Variants in MBTPS1 observed in about 807,000 individuals in gnomAD.
The protein encoded by MBTPS1 is membrane-bound transcription factor site-1 protease.
A neutral mutation model predicts 127.8 loss-of-function variants in MBTPS1; 94 were observed. The ratio of observed to expected loss-of-function variants is 0.74; its 90% CI spans 0.62 to 0.87. MBTPS1 has a LOEUF of 0.87. Ranked by LOEUF, MBTPS1 falls within the 40% of genes least tolerant of loss-of-function variation. The probability of loss-of-function intolerance (pLI) is 0.00; values close to 1 mark genes in which losing one functional copy is unlikely to be tolerated. For missense variants in MBTPS1, 1,636 were observed against 1,353.2 expected (o/e 1.21, Z -3.28); for synonymous variants, 632 against 509.4 (o/e 1.24, Z -3.24).
At position 84,107,415 on chromosome 16, in the gene MBTPS1, G is replaced by T. The variant is rs115913429; in HGVS notation, c.-324-5308C>A. On this transcript the variant is annotated intron_variant, in intron 1 of 22. Coordinates refer to ENST00000343411, the MANE Select transcript of MBTPS1 (RefSeq NM_003791.4). ...TAAGGCTGGAAATGACAGGGACAAG[G>T]ACACACCCCCTTGCTGTGTTTGGAT... 4.2e-3 allele frequency among the ~76,000 whole-genome samples: 645 copies of T among 152,242 alleles called. 4 individuals carry two copies. Among genetic ancestry groups the T allele is most frequent in the African/African-American group, 0.015 (622 of 41,532 alleles).
At chr16:84,062,530 G>A (rs2085628100) in intron 19 of MBTPS1, among the ~76,000 whole-genome samples, 1 of 152,198 alleles carries the variant, frequency 6.6e-6, no homozygotes, top group African/African-American at 2.4e-5. Context: ...CTCAGCGCAC[G>A]CTGTTAGTGC....
rs761837606 is a variant in MBTPS1 at position 84,056,093 on chromosome 16, G to A, written c.2874C>T (p.Asp958=). ...ATCGAAAGTTGGGTAACACCACCTTGTCCAGGTCAATGGAGAGTAGCTTCT... is the reference window on the plus strand; with the variant it reads ...ATCGAAAGTTGGGTAACACCACCTTATCCAGGTCAATGGAGAGTAGCTTCT... ...KHQKLLSIDL[D]KVVLPNFRSN... The change falls in exon 22 of 23, where the codon GAC becomes GAT. Residue 958 remains aspartate, a synonymous_variant. Coordinates refer to ENST00000343411, the MANE Select transcript of MBTPS1 (RefSeq NM_003791.4). The A allele has an allele frequency of 1.2e-6, 2 of 1,613,848 alleles. No individual in the cohort carries two copies. The highest frequency in any genetic ancestry group is 1.7e-5 in the Admixed American group (1 of 60,010).
In MBTPS1 at chr16:84,116,805, C is replaced by G. The variant is rs1472949497; in HGVS notation, c.-395G>C. 1 of 152,168 alleles carries G rather than the reference C, an allele frequency of 6.6e-6. No individual in the cohort carries two copies. The allele number at this position is 152,168 out of a possible 1,614,324, so 9.4% of individuals were successfully genotyped here. A position where few individuals can be genotyped will look rare whatever the true frequency, so the allele number is the denominator to read the frequency against. On this transcript the variant is annotated 5_prime_UTR_variant, in exon 1 of 23. Transcript: ENST00000343411. Reference sequence around the variant, plus strand: ...CCTCCGCGGCGAACACGCCTGGGCACTCCATTCGGGGCTGTTTACTCCCAA... The same window carrying G: ...CCTCCGCGGCGAACACGCCTGGGCAGTCCATTCGGGGCTGTTTACTCCCAA...
At chr16:84,115,801 A>T (rs7198848) in intron 1 of MBTPS1, among the ~76,000 whole-genome samples, 1 of 152,182 alleles carries the variant, frequency 6.6e-6, no homozygotes. Context: ...TGGATTTGGT[A>T]GTGGCTGTGC....
At chr16:84,079,616 G>T (rs1272143743) in intron 11 of MBTPS1, among the ~76,000 whole-genome samples, 2 of 152,188 alleles carry the variant, frequency 1.3e-5, no homozygotes, top group African/African-American at 2.4e-5. Context: ...CTACAACTAA[G>T]CAAATAAGCC....
At chr16:84,098,358 C>A (rs544724205) in intron 3 of MBTPS1, among the ~76,000 whole-genome samples, 28 of 152,212 alleles carry the variant, frequency 1.8e-4, no homozygotes, top group Non-Finnish European at 3.8e-4. Context: ...CGCCTGTAAT[C>A]CCAGCACTTT....
intron 1 of MBTPS1, among the ~76,000 whole-genome samples, chr16:84,106,765 G>C (rs1363792298): frequency 1.3e-5 from 2 of 152,196 alleles, no homozygotes; most frequent in Non-Finnish European, 2.9e-5. Context: ...AGCATCTGGA[G>C]GACTTCCGTA....
intron 11 of MBTPS1, among the ~76,000 whole-genome samples, chr16:84,079,434 G>C (rs1312438635): frequency 6.6e-5 from 10 of 152,076 alleles, no homozygotes; most frequent in Non-Finnish European, 1.5e-4. Flanking sequence ...GAATAAATGA[G>C]TCCAACTGTA....
intron 1 of MBTPS1, among the ~76,000 whole-genome samples, chr16:84,115,917 AAAT>A (rs2086468839): frequency 6.9e-6 from 1 of 144,938 alleles, no homozygotes; most frequent in South Asian, 2.2e-4. Context: ...AAATAAGTAT[AAAT>A]AATAAAAGCG....
At position 84,059,437 on chromosome 16, in the gene MBTPS1, A is replaced by T. The variant is rs7196952; in HGVS notation, c.2705-9T>A. The T allele has an allele frequency of 3.6e-3, 5,766 of 1,603,606 alleles. 185 individuals carry two copies. In the African/African-American group the frequency reaches 0.066, roughly 18 times the overall value. ...CCGATGAAGATGGTTTCCTGTGGTT[A>T]GCAGCAACATCAACAAAAAGGAAAA... On this transcript the variant is annotated splice_polypyrimidine_tract_variant and intron_variant, in intron 20 of 22. Transcript: ENST00000343411.
chr16:84,080,731 C>T (rs890993443), intron 11 of MBTPS1, among the ~76,000 whole-genome samples: 1 of 152,242 alleles, frequency 6.6e-6, no homozygotes, highest in African/African-American at 2.4e-5. Flanking sequence ...CTTTTTCAGG[C>T]CTGTGCGAGC....
At chr16:84,067,377 T>G (rs1413286583) in intron 16 of MBTPS1, among the ~76,000 whole-genome samples, 3 of 152,212 alleles carry the variant, frequency 2.0e-5, no homozygotes, top group Non-Finnish European at 4.4e-5. Context: ...CTCTTTGAGA[T>G]AGGGTCTCTC....
At chr16:84,062,743 CGA>C (rs1348624415) in intron 19 of MBTPS1, among the ~76,000 whole-genome samples, 7 of 152,188 alleles carry the variant, frequency 4.6e-5, no homozygotes, top group African/African-American at 1.7e-4. Flanking sequence ...ACGGATGCAT[CGA>C]GAGACTGACA....
At chr16:84,107,011 G>C (rs1286431644) in intron 1 of MBTPS1, among the ~76,000 whole-genome samples, 1 of 152,226 alleles carries the variant, frequency 6.6e-6, no homozygotes, top group African/African-American at 2.4e-5. Context: ...GGAGACACCA[G>C]CAGGAGCTGA....
chr16:84,113,028 CA>C lies in MBTPS1; in HGVS notation c.-325+3706del, dbSNP rs2086421134. On this transcript the variant is annotated intron_variant, in intron 1 of 22. Coordinates refer to ENST00000343411, the MANE Select transcript of MBTPS1 (RefSeq NM_003791.4). ...CATACTTTCTGGTAAGAGAGTGGCA[CA>C]AAAATTCAAATATATATGCTAGATT... 2.0e-5 allele frequency among the ~76,000 whole-genome samples: 3 copies of C among 148,374 alleles called. No individual in the cohort carries two copies. The South Asian group carries it at 6.5e-4, about 32-fold the overall frequency.
intron 18 of MBTPS1, among the ~76,000 whole-genome samples, chr16:84,065,387 G>T (rs2085666920): frequency 6.6e-6 from 1 of 152,082 alleles, no homozygotes; most frequent in Non-Finnish European, 1.5e-5. Flanking sequence ...AAAGTGGTGG[G>T]TACCATTCAA....
At chr16:84,095,570 C>T in intron 4 of MBTPS1, 32 bp downstream of exon 4, 1 of 1,607,846 alleles carries the variant, frequency 6.2e-7, no homozygotes, top group African/African-American at 1.3e-5. Context: ...CTGTATATCC[C>T]ATAAGCACCT....
chr16:84,087,208 G>A lies in MBTPS1; in HGVS notation c.1134+150C>T. The A allele has an allele frequency of 9.5e-6, 6 of 633,216 alleles. No homozygotes were observed. In the Middle Eastern group the frequency reaches 8.8e-4, roughly 93 times the overall value. 39.2% of individuals were successfully genotyped at this position (633,216 alleles called of 1,614,324 possible). On this transcript the variant is annotated intron_variant, in intron 9 of 22. Transcript: ENST00000343411. ...GCCCAGATCTCTCGTCCTCACGGCTGGGCAGGCACTCACAGCCCCGGCTAT... is the reference window on the plus strand; with the variant it reads ...GCCCAGATCTCTCGTCCTCACGGCTAGGCAGGCACTCACAGCCCCGGCTAT...
chr16:84,085,067 G>C lies in MBTPS1; in HGVS notation c.1202C>G (p.Ser401Cys), dbSNP rs533250012. The C allele has an allele frequency of 1.2e-6, 2 of 1,614,196 alleles. No individual in the cohort carries two copies. Among genetic ancestry groups the C allele is most frequent in the South Asian group, 1.1e-5 (1 of 91,090 alleles). ...GGCCCGGCACCCCCCTTTCACGCCA[G>C]AACCCCGCACGCCAGCACCATAGGT... is the stretch of plus-strand genomic sequence containing the variant. ...IVTYGAGVRG[S>C]GVKGGCRALS... The change falls in exon 10 of 23, where the codon TCT becomes TGT. Residue 401 changes from serine (S) to cysteine (C), a missense_variant. Coordinates refer to ENST00000343411, the MANE Select transcript of MBTPS1 (RefSeq NM_003791.4).
Sources: allele counts gnomAD v4.1 joint callset (sites outside exome capture counted in the v4.1 genomes callset), GRCh38; gene constraint gnomAD v4.1.1; transcripts MANE v1.5; gene names NCBI Gene and HGNC (gene_info 2026-07-23, HGNC 2026-07-21).